Variants in MLPH observed in about 807,000 individuals in gnomAD.
The protein encoded by MLPH is exophilin-3.
In MLPH, 51 loss-of-function variants were observed where a neutral mutation model predicts 72.1. That is an observed-to-expected ratio of 0.71 (90% CI 0.56 to 0.89). The LOEUF (loss-of-function observed/expected upper bound fraction) is 0.89, where lower values mean the gene tolerates loss of function less well. Among genes scored for constraint, MLPH ranks in the 40% least tolerant of loss-of-function variants. MLPH has a pLI of 0.00. For missense variants in MLPH, 743 were observed against 759.9 expected, an observed-to-expected ratio of 0.98 and a Z score of 0.26; for synonymous variants, 301 against 310.1, an observed-to-expected ratio of 0.97 and a Z score of 0.31.
At chr2:237,498,977 A>T (rs192723374) in intron 2 of MLPH, among the ~76,000 whole-genome samples, 81 of 151,664 alleles carry the variant, frequency 5.3e-4, no homozygotes, top group Non-Finnish European at 9.1e-4. Flanking sequence ...CCTGGGTGTA[A>T]CTTTCCCCAC....
chr2:237,520,361 C>T (rs372543405), intron 6 of MLPH, among the ~76,000 whole-genome samples: 13 of 152,034 alleles, frequency 8.6e-5, no homozygotes, highest in East Asian at 3.9e-4. Context: ...CTCAGGAGGG[C>T]GGGACAGAGA....
intron 2 of MLPH, among the ~76,000 whole-genome samples, chr2:237,501,418 A>G (rs2079644210): frequency 7.4e-6 from 1 of 135,858 alleles, no homozygotes; most frequent in South Asian, 2.3e-4. Context: ...GTTTACTTTT[A>G]GCATTCGCGG....
chr2:237,539,554 C>T (rs965739636), intron 9 of MLPH, among the ~76,000 whole-genome samples: 4 of 152,314 alleles, frequency 2.6e-5, no homozygotes, highest in South Asian at 2.1e-4. Context: ...GCCACTTTCT[C>T]GGAGCTGGCA....
At chr2:237,550,331 C>G (rs1175892288) in intron 14 of MLPH, among the ~76,000 whole-genome samples, 2 of 152,220 alleles carry the variant, frequency 1.3e-5, no homozygotes, top group East Asian at 3.8e-4. Context: ...CTTTGCATGC[C>G]CTGAGCTCCC....
intron 2 of MLPH, among the ~76,000 whole-genome samples, chr2:237,509,436 G>A (rs1465690271): frequency 6.6e-6 from 1 of 152,190 alleles, no homozygotes; most frequent in African/African-American, 2.4e-5. Flanking sequence ...CCAGCGAAGG[G>A]GTGGCCTCCA....
In MLPH at chr2:237,501,433, A is replaced by C. The variant is rs1247371560; in HGVS notation, c.110+7897A>C. 5.9e-5 allele frequency among the ~76,000 whole-genome samples: 9 copies of C among 151,996 alleles called. 1 individual carries two copies. Among genetic ancestry groups the C allele is most frequent in the Admixed American group, 5.9e-4 (9 of 15,248 alleles). On this transcript the variant is annotated intron_variant, in intron 2 of 15. Transcript: ENST00000264605. ...GTTTACTTTTAGCATTCGCGGGTCT[A>C]TCTGCAGTGAGTGAGAGCTTGCTGT...
upstream of MLPH, chr2:237,486,702 G>T (rs2079324101): frequency 6.6e-6 from 1 of 152,246 alleles, no homozygotes; most frequent in South Asian, 2.1e-4. Flanking sequence ...GCGGCTGCGG[G>T]ACCCTCCTGG....
chr2:237,516,796 GATGGA>G (rs2080029960), intron 4 of MLPH, among the ~76,000 whole-genome samples: 1 of 145,034 alleles, frequency 6.9e-6, no homozygotes, highest in Non-Finnish European at 1.5e-5. Flanking sequence ...TGGATGGATG[GATGGA>G]TGGATGGATG....
rs759361408 is a variant in MLPH at position 237,540,880 on chromosome 2, A to G, written c.1369A>G (p.Thr457Ala). ...DPGDPVQYNRTTDEELSELED... is the reference protein window; with the variant it reads ...DPGDPVQYNRATDEELSELED... ...TGGGGACCCCGTCCAGTACAACAGGACCACAGATGAGGAGCTGTCAGAGCT... is the reference window on the plus strand; with the variant it reads ...TGGGGACCCCGTCCAGTACAACAGGGCCACAGATGAGGAGCTGTCAGAGCT... The change falls in exon 11 of 16, where the codon ACC (threonine) becomes GCC (alanine). Residue 457 changes from threonine (T) to alanine (A), a missense_variant. Physicochemically the swap from Thr to Ala is moderately conservative, Grantham distance 58 (BLOSUM62 0). Transcript: ENST00000264605. 3.1e-6 allele frequency: 5 copies of G among 1,613,090 alleles called. No homozygotes were observed. In the Admixed American group the frequency reaches 6.7e-5, roughly 22 times the overall value.
chr2:237,508,910 T>A (rs2079832320), intron 2 of MLPH, among the ~76,000 whole-genome samples: 1 of 152,222 alleles, frequency 6.6e-6, no homozygotes, highest in South Asian at 2.1e-4. Context: ...CTGTTTCTGA[T>A]GGTAAGTCAC....
At chr2:237,489,901 C>T (rs947572548) in intron 1 of MLPH, among the ~76,000 whole-genome samples, 1 of 152,196 alleles carries the variant, frequency 6.6e-6, no homozygotes, top group African/African-American at 2.4e-5. Context: ...GGATACCCAT[C>T]TTATAAAACC....
intron 2 of MLPH, among the ~76,000 whole-genome samples, chr2:237,495,758 C>A (rs2106461033): frequency 6.6e-6 from 1 of 152,340 alleles, no homozygotes; most frequent in East Asian, 1.9e-4. Context: ...GAGGGCCCAA[C>A]CTGCTGGCCC....
intron 4 of MLPH, among the ~76,000 whole-genome samples, chr2:237,517,029 ATGG>A (rs2080048663): frequency 4.2e-5 from 5 of 117,692 alleles, no homozygotes; most frequent in African/African-American, 1.6e-4. Context: ...GGATGGATGG[ATGG>A]ATGGATGGAT....
At chr2:237,532,285 A>G (rs1004545637) in intron 8 of MLPH, among the ~76,000 whole-genome samples, 1 of 152,222 alleles carries the variant, frequency 6.6e-6, no homozygotes, top group African/African-American at 2.4e-5. Context: ...GCAGCTGTGC[A>G]TTGCCTGCCT....
chr2:237,534,647 G>C lies in MLPH; in HGVS notation c.1104G>C (p.Lys368Asn). 2 of 1,613,402 alleles carry C rather than the reference G, an allele frequency of 1.2e-6. No individual in the cohort carries two copies. Among genetic ancestry groups the C allele is most frequent in the Non-Finnish European group, 1.7e-6 (2 of 1,179,480 alleles). ...ACACAGTTGTGCCTCCCTTGGCCAA[G>C]GTAACACTGGGGGCTGGGCAAAGAG... ...LENTVVPPLA[K>N]GLGAGVRTEA... Residue 368 changes from lysine to asparagine, a missense_variant and splice_region_variant, in exon 9 of 16, where the codon AAG becomes AAC. By Grantham distance (94) the Lys-to-Asn change is moderately conservative (BLOSUM62 0). Coordinates refer to ENST00000264605, the MANE Select transcript of MLPH (RefSeq NM_024101.7).
At chr2:237,529,689 T>C (rs2080378438) in intron 8 of MLPH, among the ~76,000 whole-genome samples, 2 of 152,208 alleles carry the variant, frequency 1.3e-5, no homozygotes, top group African/African-American at 2.4e-5. Flanking sequence ...CTGTAACTGA[T>C]GACTCTTGAG....
At chr2:237,533,701 G>C (rs1045424205) in intron 8 of MLPH, among the ~76,000 whole-genome samples, 1 of 152,232 alleles carries the variant, frequency 6.6e-6, no homozygotes. Context: ...TCTCCCCAGG[G>C]TATTGATCTC....
chr2:237,515,216 C>T (rs1410141132), intron 4 of MLPH, among the ~76,000 whole-genome samples: 1 of 152,140 alleles, frequency 6.6e-6, no homozygotes, highest in African/African-American at 2.4e-5. Context: ...GTACGGCACT[C>T]GGGGGCGGAT....
In MLPH at chr2:237,541,179, G is replaced by C. The variant is rs2080673531; in HGVS notation, c.1446+222G>C. On this transcript the variant is annotated intron_variant, in intron 11 of 15. Coordinates refer to ENST00000264605, the MANE Select transcript of MLPH (RefSeq NM_024101.7). The surrounding 1 kb of genome is among the most constrained non-coding windows in gnomAD (Gnocchi z 5.1). ...GCCCTCCACCCCTTCCCTTTTTCCT[G>C]TTCAACTTGGTGAGGGACAGGCAGG... is the stretch of plus-strand genomic sequence containing the variant. Among the ~76,000 whole-genome samples the C allele has an allele frequency of 6.6e-6, 1 of 152,054 alleles. No homozygotes were observed. Among genetic ancestry groups the C allele is most frequent in the Admixed American group, 6.5e-5 (1 of 15,284 alleles).
Sources: gnomAD v4.1 joint callset for allele counts (sites outside exome capture counted in the v4.1 genomes callset) on GRCh38, gnomAD v4.1.1 for gene constraint, Gnocchi (gnomAD v3.1) non-coding constraint, MANE v1.5 for transcripts, NCBI Gene and HGNC (gene_info 2026-07-23, HGNC 2026-07-21) for gene names.